Variants in MAGI3 observed in about 807,000 individuals in gnomAD.
MAGI3 encodes the protein membrane-associated guanylate kinase, WW and PDZ domain-containing protein 3.
MAGI3 carries 43 observed loss-of-function variants against 121.8 expected under a neutral mutation model. That is an observed-to-expected ratio of 0.35 (90% CI 0.28 to 0.46). MAGI3 has a LOEUF of 0.46. Ranked by LOEUF, MAGI3 falls within the 20% of genes least tolerant of loss-of-function variation. The pLI, the probability that MAGI3 is intolerant of heterozygous loss-of-function variation, is 1.00. For synonymous variants in MAGI3, 553 were observed against 639.3 expected (o/e 0.86, Z 2.04); for missense variants, 1,547 against 1,797.3 (o/e 0.86, Z 2.52).
At chr1:113,576,261 A>G (rs1647633097) in intron 2 of MAGI3, among the ~76,000 whole-genome samples, 1 of 152,162 alleles carries the variant, frequency 6.6e-6, no homozygotes, top group Admixed American at 6.5e-5. Context: ...CTGCCCAAAC[A>G]GCCGCCTCGT....
At chr1:113,518,651 A>G (rs1372354658) in intron 1 of MAGI3, among the ~76,000 whole-genome samples, 1 of 152,102 alleles carries the variant, frequency 6.6e-6, no homozygotes, top group Non-Finnish European at 1.5e-5. Context: ...TGATGCGCCT[A>G]TTCTTTCTAT....
intron 1 of MAGI3, chr1:113,450,143 T>C: frequency 6.7e-7 from 1 of 1,486,928 alleles, no homozygotes; most frequent in Non-Finnish European, 9.3e-7. Flanking sequence ...GGATTTGCTT[T>C]TGTAACTTTT....
intron 3 of MAGI3, among the ~76,000 whole-genome samples, chr1:113,583,797 G>A (rs150337131): frequency 0.014 from 2,189 of 152,158 alleles, 20 homozygotes; most frequent in African/African-American, 0.02. Flanking sequence ...GCATCCATCT[G>A]TATGACTGGA....
At chr1:113,407,388 C>A (rs1651741084) in intron 1 of MAGI3, among the ~76,000 whole-genome samples, 1 of 151,998 alleles carries the variant, frequency 6.6e-6, no homozygotes, top group African/African-American at 2.4e-5. Flanking sequence ...AAGAGAACCT[C>A]TAGGTTTTTG....
At chr1:113,465,809 G>A (rs1016656520) in intron 1 of MAGI3, among the ~76,000 whole-genome samples, 1 of 151,856 alleles carries the variant, frequency 6.6e-6, no homozygotes, top group African/African-American at 2.4e-5. Flanking sequence ...GTTTGCTGTT[G>A]GTGGGTATAA....
At chr1:113,403,448 A>G (rs1314472855) in intron 1 of MAGI3, among the ~76,000 whole-genome samples, 1 of 152,132 alleles carries the variant, frequency 6.6e-6, no homozygotes, top group Non-Finnish European at 1.5e-5. Flanking sequence ...TTAGAAAATG[A>G]TTAATTATGT....
At chr1:113,531,300 A>G (rs954967473) in intron 1 of MAGI3, among the ~76,000 whole-genome samples, 2 of 152,182 alleles carry the variant, frequency 1.3e-5, no homozygotes, top group Non-Finnish European at 2.9e-5. Context: ...TTCAGGGAGT[A>G]TTTTTATCAC....
intron 2 of MAGI3, among the ~76,000 whole-genome samples, chr1:113,551,668 G>A (rs892785020): frequency 7.2e-5 from 11 of 152,022 alleles, no homozygotes; most frequent in Non-Finnish European, 1.2e-4. Context: ...ACTTTACTCA[G>A]TAGCCAGTGT....
chr1:113,503,075 G>A (rs1374886318), intron 1 of MAGI3, among the ~76,000 whole-genome samples: 1 of 75,798 alleles, frequency 1.3e-5, no homozygotes, highest in Non-Finnish European at 2.4e-5. Context: ...TGGTGGGGTC[G>A]GGGGAGGGGG....
intron 1 of MAGI3, among the ~76,000 whole-genome samples, chr1:113,411,002 A>G (rs1651946851): frequency 6.6e-6 from 1 of 152,138 alleles, no homozygotes; most frequent in Non-Finnish European, 1.5e-5. Context: ...AGACAGCCAG[A>G]TGGATCTTGT....
intron 1 of MAGI3, among the ~76,000 whole-genome samples, chr1:113,429,388 T>A (rs2101413824): frequency 6.6e-6 from 1 of 152,306 alleles, no homozygotes; most frequent in East Asian, 1.9e-4. Context: ...GTTATTGAAA[T>A]GAAAGTACAC....
intron 6 of MAGI3, among the ~76,000 whole-genome samples, chr1:113,608,831 A>G (rs1227198345): frequency 6.6e-6 from 1 of 152,174 alleles, no homozygotes; most frequent in African/African-American, 2.4e-5. Context: ...GGCTGAACAT[A>G]TGTCTTGGTT....
At chr1:113,482,642 CTACTT>C (rs954305349) in intron 1 of MAGI3, among the ~76,000 whole-genome samples, 1 of 121,448 alleles carries the variant, frequency 8.2e-6, no homozygotes, top group African/African-American at 3.0e-5. Context: ...AGACCTCAAC[CTACTT>C]TTTTTTTTTT....
rs766594582 is a variant in MAGI3, at chr1:113,684,156, T to G, written c.*142T>G. 10 of 940,156 alleles carry G rather than the reference T, an allele frequency of 1.1e-5. No homozygotes were observed. Among genetic ancestry groups the G allele is most frequent in the Non-Finnish European group, 1.5e-5 (10 of 664,472 alleles). The allele number at this position is 940,156 out of a possible 1,614,324, so 58.2% of individuals were successfully genotyped here. ...TGAGCCTCAAGTTACCTAGGCTGCA[T>G]GAAGGGCCTTTAGGATTGCTAAGAA... On this transcript the variant is annotated 3_prime_UTR_variant, in exon 21 of 21. Transcript: ENST00000307546.
At chr1:113,472,661 GGTGT>G (rs142790579) in intron 1 of MAGI3, among the ~76,000 whole-genome samples, 6 of 147,948 alleles carry the variant, frequency 4.1e-5, no homozygotes, top group East Asian at 2.0e-4. Context: ...ATCTACTACA[GGTGT>G]GTGTGTGTGT....
At chr1:113,470,439 C>G (rs775487780) in intron 1 of MAGI3, among the ~76,000 whole-genome samples, 1 of 152,140 alleles carries the variant, frequency 6.6e-6, no homozygotes, top group Non-Finnish European at 1.5e-5. Context: ...TTCACAGTTA[C>G]ACACAACACT....
intron 1 of MAGI3, among the ~76,000 whole-genome samples, chr1:113,414,959 T>A (rs1203326801): frequency 2.0e-5 from 3 of 152,080 alleles, no homozygotes; most frequent in Non-Finnish European, 4.4e-5. Context: ...CTAATTCCAA[T>A]TATTATGTGA....
At chr1:113,462,901 G>A (rs1655102621) in intron 1 of MAGI3, among the ~76,000 whole-genome samples, 1 of 152,002 alleles carries the variant, frequency 6.6e-6, no homozygotes, top group Non-Finnish European at 1.5e-5. Flanking sequence ...AAAGATTTAA[G>A]GTATAGGAAA....
At chr1:113,600,428 A>G (rs1000414423) in intron 6 of MAGI3, among the ~76,000 whole-genome samples, 7 of 150,950 alleles carry the variant, frequency 4.6e-5, no homozygotes, top group Non-Finnish European at 1.0e-4. Flanking sequence ...TACACCAATA[A>G]CAGACAAACA....
Sources: gnomAD v4.1 joint callset for allele counts (sites outside exome capture counted in the v4.1 genomes callset) on GRCh38, gnomAD v4.1.1 for gene constraint, MANE v1.5 for transcripts, NCBI Gene and HGNC (gene_info 2026-07-23, HGNC 2026-07-21) for gene names.